SMCO2: variants seen among roughly 807,000 people sequenced by gnomAD.
SMCO2 encodes single-pass membrane and coiled-coil domain-containing protein 2.
A neutral mutation model predicts 29.5 loss-of-function variants in SMCO2; 25 were observed. That is an observed-to-expected ratio of 0.85 (90% CI 0.62 to 1.18). SMCO2 has a LOEUF of 1.18. SMCO2 is among the 50% of genes most tolerant of loss of function. The pLI, the probability that SMCO2 is intolerant of heterozygous loss-of-function variation, is 0.00. For missense variants in SMCO2, 348 were observed against 344.5 expected, an observed-to-expected ratio of 1.01 and a Z score of -0.08; for synonymous variants, 117 against 123.3, an observed-to-expected ratio of 0.95 and a Z score of 0.34.
Position 27,495,542 on chromosome 12 carries a change from T to C in SMCO2, c.508-138T>C, listed in dbSNP as rs1592219541. On this transcript the variant is annotated intron_variant, in intron 6 of 7. Transcript: ENST00000298876. ...CTATTCAAGATGCACCTGCCAATGA[T>C]CTGTTCATGGGACCTATGTGTGATT... is the stretch of plus-strand genomic sequence containing the variant. 22 of 660,288 alleles carry C rather than the reference T, an allele frequency of 3.3e-5. No homozygotes were observed. In the East Asian group the frequency reaches 6.2e-4, roughly 18 times the overall value. 40.9% of individuals were successfully genotyped at this position (660,288 alleles called of 1,614,324 possible).
At chr12:27,495,350 TAA>T (rs1942985995) in intron 6 of SMCO2, among the ~76,000 whole-genome samples, 1 of 150,836 alleles carries the variant, frequency 6.6e-6, no homozygotes, top group Admixed American at 6.6e-5. Context: ...CTGTTAGCAG[TAA>T]TCACCCAATA....
chr12:27,464,817 C>G (rs1025048764), upstream of SMCO2, among the ~76,000 whole-genome samples: 3 of 148,440 alleles, frequency 2.0e-5, no homozygotes, highest in African/African-American at 7.5e-5. Flanking sequence ...GTCGGGAGAT[C>G]AAGACCATCC....
the SMCO2 span, among the ~76,000 whole-genome samples, chr12:27,443,240 A>G: frequency 1.3e-5 from 2 of 152,278 alleles, no homozygotes; most frequent in African/African-American, 4.8e-5. Context: ...GATATATCAC[A>G]TTAATGGAAT....
chr12:27,440,938 G>A, the SMCO2 span, among the ~76,000 whole-genome samples: 1 of 152,144 alleles, frequency 6.6e-6, no homozygotes, highest in African/African-American at 2.4e-5. Flanking sequence ...AACACTGAAT[G>A]TAAATTGTCT....
chr12:27,499,478 G>A (rs1025064436), intron 7 of SMCO2, among the ~76,000 whole-genome samples: 2 of 150,426 alleles, frequency 1.3e-5, no homozygotes, highest in African/African-American at 5.0e-5. Context: ...GTTTCTTTTT[G>A]GGGTGACAAA....
intron 3 of SMCO2, 55 bp from the exon 4 acceptor site, chr12:27,474,731 C>T: frequency 6.5e-7 from 1 of 1,545,426 alleles, no homozygotes. Flanking sequence ...GGAAGAACCA[C>T]CACATCTTGT....
upstream of SMCO2, among the ~76,000 whole-genome samples, chr12:27,465,917 A>G (rs1222518244): frequency 1.3e-5 from 2 of 152,194 alleles, no homozygotes; most frequent in Non-Finnish European, 2.9e-5. Context: ...GTGTCTTAAG[A>G]GCAGGGGCTT....
chr12:27,427,020 C>T, the SMCO2 span, among the ~76,000 whole-genome samples: 1 of 152,236 alleles, frequency 6.6e-6, no homozygotes, highest in African/African-American at 2.4e-5. Flanking sequence ...GAAAACGCCA[C>T]AGTCCCTGCT....
upstream of SMCO2, among the ~76,000 whole-genome samples, chr12:27,464,731 A>AG (rs1489896911): frequency 6.7e-6 from 1 of 149,388 alleles, no homozygotes; most frequent in African/African-American, 2.5e-5. Flanking sequence ...AAAAAAAAAA[A>AG]AAAAAAAAGT....
the SMCO2 span, among the ~76,000 whole-genome samples, chr12:27,434,872 T>C: frequency 6.6e-6 from 1 of 151,474 alleles, no homozygotes; most frequent in Admixed American, 6.6e-5. Context: ...ACTGAGGGAG[T>C]GTCTGTAGGA....
At chr12:27,466,868 G>A (rs1208143836) in exon 1 of SMCO2, 1 of 152,240 alleles carries the variant, frequency 6.6e-6, no homozygotes, top group Non-Finnish European at 1.5e-5. Context: ...CTGAGGAAAG[G>A]AGGCTCTGGC....
chr12:27,461,317 T>C, the SMCO2 span, among the ~76,000 whole-genome samples: 2 of 152,206 alleles, frequency 1.3e-5, no homozygotes, highest in African/African-American at 4.8e-5. Flanking sequence ...GTAAATTGCA[T>C]GTCACGGGGG....
intron 4 of SMCO2, among the ~76,000 whole-genome samples, chr12:27,477,273 T>TTGCC (rs144036949): frequency 0.02 from 2,907 of 149,060 alleles, 32 homozygotes; most frequent in South Asian, 0.032. Flanking sequence ...CATTCTCTCC[T>TTGCC]TGCCTATAAG....
intron 7 of SMCO2, chr12:27,497,313 T>C (rs540991876): frequency 1.3e-5 from 2 of 158,814 alleles, no homozygotes; most frequent in African/African-American, 2.5e-5. Context: ...ATCTCTTTAA[T>C]AGATAAAGAA....
chr12:27,488,342 A>C (rs375496128), intron 4 of SMCO2, 118 bp from the exon 6 acceptor site: 1 of 559,572 alleles, frequency 1.8e-6, no homozygotes, highest in East Asian at 3.3e-5. Flanking sequence ...CAATACAAGC[A>C]CTACCAAAGC....
the SMCO2 span, among the ~76,000 whole-genome samples, chr12:27,435,219 T>C: frequency 7.2e-5 from 10 of 139,750 alleles, no homozygotes; most frequent in Admixed American, 7.4e-4. Flanking sequence ...TGTGGGAGCC[T>C]GTCCGGTGCA....
chr12:27,487,161 G>A (rs1949695566), intron 4 of SMCO2, among the ~76,000 whole-genome samples: 1 of 152,190 alleles, frequency 6.6e-6, no homozygotes, highest in African/African-American at 2.4e-5. Context: ...GCATGACTAT[G>A]ACAATCAGAT....
intron 4 of SMCO2, among the ~76,000 whole-genome samples, chr12:27,477,210 GTT>G (rs770789669): frequency 0.094 from 5,828 of 62,120 alleles, 121 homozygotes; most frequent in Middle Eastern, 0.11. Flanking sequence ...TGGCTGTCAG[GTT>G]TTTTTTTTTT....
In SMCO2 at chr12:27,501,974, A is replaced by G. The variant is rs1318678992; in HGVS notation, c.735A>G (p.Gly245=). 8 of 1,547,046 alleles carry G rather than the reference A, an allele frequency of 5.2e-6. No homozygotes were observed. The South Asian group carries it at 8.4e-5, about 16-fold the overall frequency. ...TGTTTGATGTCCTCACCGTCACTGG[A>G]CTTTTATGTTACATACTATTTTTTG... The change falls in exon 8 of 8, where the codon GGA becomes GGG. Residue 245 remains glycine (G), a synonymous_variant. Transcript: ENST00000298876.
Sources: gnomAD v4.1 joint callset for allele counts (sites outside exome capture counted in the v4.1 genomes callset) on GRCh38, gnomAD v4.1.1 for gene constraint, MANE v1.5 for transcripts, NCBI Gene and HGNC (gene_info 2026-07-23, HGNC 2026-07-21) for gene names.